GTPBP6: variants seen among roughly 807,000 people sequenced by gnomAD.
GTPBP6 encodes the protein GTP binding protein 6.
Under a neutral mutation model 28.9 loss-of-function variants are expected in GTPBP6, and 33 were observed. The ratio of observed to expected loss-of-function variants is 1.14; its 90% CI spans 0.87 to 1.53. GTPBP6 has a LOEUF of 1.53. Among genes scored for constraint, GTPBP6 ranks in the 40% most tolerant of loss-of-function variants. The pLI is 0.00. For missense variants in GTPBP6, 507 were observed against 408.3 expected, an observed-to-expected ratio of 1.24 and a Z score of -2.08; for synonymous variants, 231 against 192.7, an observed-to-expected ratio of 1.20 and a Z score of -1.65.
chrX:316,939 GC>G lies in GTPBP6; in HGVS notation c.461del (p.Gly154AlafsTer8). 1 of 398,662 alleles carries G rather than the reference GC, an allele frequency of 2.5e-6. No individual in the cohort carries two copies. The highest frequency in any genetic ancestry group is 2.1e-5 in the African/African-American group (1 of 48,754). The allele number at this position is 398,662 out of a possible 1,614,324, so 24.7% of individuals were successfully genotyped here. ...CTGTCAGGTGCTCAAAGTTCCCTTTGCCAAAGATGAGCTTCCTGTCCGGCGT... is the reference window on the plus strand; with the variant it reads ...CTGTCAGGTGCTCAAAGTTCCCTTTGCAAAGATGAGCTTCCTGTCCGGCGT... On this transcript the variant is annotated frameshift_variant, in exon 2 of 10. Transcript: ENST00000326153. LOFTEE classifies it high-confidence loss of function.
chrX:318,177 G>A (rs1176598629), intron 1 of GTPBP6, among the ~76,000 whole-genome samples: 94 of 147,166 alleles, frequency 6.4e-4, no homozygotes, highest in Non-Finnish European at 1.3e-3. Context: ...CCTCCCCAGA[G>A]CCCCGCCCTT....
intron 7 of GTPBP6, 93 bp from the exon 8 acceptor site, chrX:307,973 C>T: frequency 8.7e-7 from 1 of 1,154,210 alleles, no homozygotes; most frequent in Non-Finnish European, 1.2e-6. Flanking sequence ...CACACGAGCT[C>T]CCAACGACAG....
intron 1 of GTPBP6, among the ~76,000 whole-genome samples, 165 bp from the exon 2 acceptor site, chrX:317,216 T>A (rs1411520932): frequency 7.9e-5 from 12 of 151,858 alleles, no homozygotes. Context: ...GGCCTCTAAG[T>A]AGGAATCTGA....
intron 7 of GTPBP6, among the ~76,000 whole-genome samples, chrX:310,724 A>G (rs778990978): frequency 6.6e-6 from 1 of 152,304 alleles, no homozygotes; most frequent in South Asian, 2.1e-4. Context: ...TGGGAGAGGC[A>G]GGAAGGACCC....
chrX:313,612 G>T (rs1340908197), intron 5 of GTPBP6, among the ~76,000 whole-genome samples: 4 of 152,128 alleles, frequency 2.6e-5, no homozygotes, highest in Admixed American at 2.6e-4. Flanking sequence ...CTAGAGATGC[G>T]ACGATTCTGG....
intron 7 of GTPBP6, among the ~76,000 whole-genome samples, chrX:308,240 G>A (rs780777051): frequency 2.6e-5 from 4 of 152,098 alleles, no homozygotes; most frequent in East Asian, 1.9e-4. Flanking sequence ...TTTTAACAGC[G>A]GAATTATTTC....
At position 311,399 on chromosome X, in the gene GTPBP6, C is replaced by CCTGGGCAGGGTGGGTGT. The variant is rs780443856; in HGVS notation, c.1125+19_1125+20insACACCCACCCTGCCCAG. Reference sequence around the variant, plus strand: ...CGAATGGGTGTCCGAGCACCCGATCCCCGGCCGTCCCACGCTCACCGAGTG... The same window carrying CCTGGGCAGGGTGGGTGT: ...CGAATGGGTGTCCGAGCACCCGATCCCTGGGCAGGGTGGGTGTCCGGCCGTCCCACGCTCACCGAGTG... On this transcript the variant is annotated intron_variant, in intron 7 of 9. Transcript: ENST00000326153. 84 of 1,588,208 alleles carry CCTGGGCAGGGTGGGTGT rather than the reference C, an allele frequency of 5.3e-5. No homozygotes were observed. Among genetic ancestry groups the CCTGGGCAGGGTGGGTGT allele is most frequent in the East Asian group, 9.0e-5 (4 of 44,332 alleles).
exon 10 of GTPBP6, chrX:305,142 C>G (rs1224274631): frequency 6.2e-7 from 1 of 1,613,542 alleles, no homozygotes. Flanking sequence ...ACGTCGGCCG[C>G]CCCGTCCTCA....
chrX:317,347 G>C (rs1227525020), intron 1 of GTPBP6, among the ~76,000 whole-genome samples: 2 of 152,112 alleles, frequency 1.3e-5, no homozygotes, highest in Non-Finnish European at 1.5e-5. Context: ...GGATTACTGA[G>C]GAACCACCGG....
chrX:317,632 C>A (rs2070462014), intron 1 of GTPBP6, among the ~76,000 whole-genome samples: 1 of 151,634 alleles, frequency 6.6e-6, no homozygotes, highest in African/African-American at 2.4e-5. Flanking sequence ...CACACCGTGC[C>A]TACCTCTAAC....
At chrX:308,732 CTTTTTTT>C (rs1164566238) in intron 7 of GTPBP6, among the ~76,000 whole-genome samples, 3 of 109,482 alleles carry the variant, frequency 2.7e-5, no homozygotes, top group Non-Finnish European at 3.6e-5. Flanking sequence ...GAAAGTTTTA[CTTTTTTT>C]TTTTTTTTTT....
intron 5 of GTPBP6, among the ~76,000 whole-genome samples, chrX:313,880 C>T (rs937348667): frequency 6.6e-6 from 1 of 151,880 alleles, no homozygotes; most frequent in Non-Finnish European, 1.5e-5. Context: ...GTTTAAATCC[C>T]CAGTTTGTGG....
At chrX:314,114 A>T in intron 5 of GTPBP6, 36 bp downstream of exon 5, 1 of 1,550,072 alleles carries the variant, frequency 6.5e-7, no homozygotes, top group Non-Finnish European at 8.9e-7. Context: ...CCGCATTCCG[A>T]GGACCCTCTG....
In GTPBP6 at chrX:305,469, ATG is replaced by A. The variant is rs1569345058; in HGVS notation, c.1428-274_1428-273del. Among the ~76,000 whole-genome samples the A allele has an allele frequency of 2.5e-4, 37 of 147,612 alleles. No individual in the cohort carries two copies. The South Asian group carries it at 4.1e-3, about 16-fold the overall frequency. ...CCCGAGTAGCTGGGACTACAGGTGC[ATG>A]CCACCACACCTGGCTAATTTTTTGT... On this transcript the variant is annotated intron_variant, in intron 9 of 9. Coordinates refer to ENST00000326153, the Ensembl canonical transcript of GTPBP6.
rs774157743 is a variant in GTPBP6, at chrX:312,591, C to T, written c.916+175G>A. ...AACCCGTCTCCTGGGTGAGCTCTCA[C>T]AGCAGCTGGTGTACCCCACACGGCG... On this transcript the variant is annotated intron_variant, in intron 6 of 9. Coordinates refer to ENST00000326153, the Ensembl canonical transcript of GTPBP6. 9.2e-5 allele frequency: 68 copies of T among 736,338 alleles called. No homozygotes were observed. In the African/African-American group the frequency reaches 1.1e-3, roughly 12 times the overall value. The allele number at this position is 736,338 out of a possible 1,614,324, so 45.6% of individuals were successfully genotyped here. A position where few individuals can be genotyped will look rare whatever the true frequency, so the allele number is the denominator to read the frequency against.
intron 6 of GTPBP6, 24 bp from the exon 7 acceptor site, chrX:311,651 C>T (rs374592196): frequency 4.0e-5 from 63 of 1,572,968 alleles, no homozygotes; most frequent in Middle Eastern, 2.2e-4. Context: ...GAGGTCAGGG[C>T]GCTGCAGAGA....
In GTPBP6 at chrX:308,795, C is replaced by T. The variant is rs1489535951; in HGVS notation, c.1126-915G>A. Among the ~76,000 whole-genome samples, 7 of 141,750 alleles carry T rather than the reference C, an allele frequency of 4.9e-5. No individual in the cohort carries two copies. In the East Asian group the frequency reaches 8.3e-4, roughly 17 times the overall value. The allele number at this position is 141,750 out of a possible 152,430, so 93.0% of individuals were successfully genotyped here. A position where few individuals can be genotyped will look rare whatever the true frequency, so the allele number is the denominator to read the frequency against. ...TGTCACACAGGCTGGAGTGCAGTGG[C>T]GCGATCTCAGCTCACTGCAAGCTCC... On this transcript the variant is annotated intron_variant, in intron 7 of 9. Transcript: ENST00000326153.
rs1193037405 is a variant in GTPBP6 at position 312,997 on chromosome X, G to A, written c.758-73C>T. On this transcript the variant is annotated intron_variant, in intron 5 of 9. Coordinates refer to ENST00000326153, the Ensembl canonical transcript of GTPBP6. ...CACAAGTGCGGGCGGTGCCGCGGAG[G>A]GTCTGCGGGGGCCCGGGGCCTGCTC... 11 of 1,374,088 alleles carry A rather than the reference G, an allele frequency of 8.0e-6. No homozygotes were observed. The East Asian group carries it at 1.9e-4, about 24-fold the overall frequency. 85.1% of individuals were successfully genotyped at this position (1,374,088 alleles called of 1,614,324 possible). A position where few individuals can be genotyped will look rare whatever the true frequency, so the allele number is the denominator to read the frequency against.
exon 8 of GTPBP6, chrX:307,739 C>G: frequency 6.7e-7 from 1 of 1,481,638 alleles, no homozygotes; most frequent in East Asian, 2.4e-5. Flanking sequence ...CACCCGGGCA[C>G]GAGGTCCACC....
Sources: allele counts gnomAD v4.1 joint callset (sites outside exome capture counted in the v4.1 genomes callset), GRCh38; gene constraint gnomAD v4.1.1; transcripts MANE v1.5; gene names NCBI Gene and HGNC (gene_info 2026-07-23, HGNC 2026-07-21).